Variants in COL12A1 observed in about 807,000 individuals in gnomAD.
The protein encoded by COL12A1 is collagen alpha-1(XII) chain.
In COL12A1, 114 loss-of-function variants were observed where a neutral mutation model predicts 349.7. The observed-to-expected ratio is 0.33, with a 90% confidence interval of 0.28 to 0.38. The LOEUF is 0.38. Among genes scored for constraint, COL12A1 ranks in the 10% least tolerant of loss-of-function variants. The pLI, the probability that COL12A1 is intolerant of heterozygous loss-of-function variation, is 1.00. For synonymous variants in COL12A1, 1,369 were observed against 1,329.0 expected (o/e 1.03, Z -0.66); for missense variants, 3,284 against 3,756.9 (o/e 0.87, Z 3.29).
chr6:75,087,544 T>A (rs769439797), intron 65 of COL12A1, 33 bp downstream of exon 65: 1 of 1,607,986 alleles, frequency 6.2e-7, no homozygotes, highest in Non-Finnish European at 8.5e-7. Context: ...TTACTTCAGG[T>A]GAGTTGGGGT....
Position 75,123,313 on chromosome 6 carries a change from T to C in COL12A1, c.6946+17A>G, listed in dbSNP as rs1256849878. The stretch of plus-strand genomic sequence containing the variant: ...CTCCCTATCAGCTGAACGTATTGCC[T>C]ATTTAGCTGTACTTACCATCCCGGG... On this transcript the variant is annotated intron_variant, in intron 43 of 65. Transcript: ENST00000322507. 6 of 1,603,300 alleles carry C rather than the reference T, an allele frequency of 3.7e-6. No homozygotes were observed. Among genetic ancestry groups the C allele is most frequent in the Non-Finnish European group, 5.1e-6 (6 of 1,173,254 alleles).
In COL12A1 at chr6:75,155,741, G is replaced by A; in HGVS notation, c.3364C>T (p.His1122Tyr). 1.2e-6 allele frequency: 2 copies of A among 1,613,492 alleles called. No homozygotes were observed. Among genetic ancestry groups the A allele is most frequent in the Non-Finnish European group, 1.7e-6 (2 of 1,179,632 alleles). Reference protein sequence around the residue: ...GEVKGYKVTFHPTGDDRRLGE... With the variant: ...GEVKGYKVTFYPTGDDRRLGE... ...AGTCTTCTGTCATCCCCCGTAGGGT[G>A]GAATGTGACTTTATAACCCTTCACT... Residue 1122 changes from histidine to tyrosine, a missense_variant, in exon 16 of 66, where the codon CAC (histidine) becomes TAC (tyrosine). Around this residue, in one of 2 missense-constraint regions of COL12A1, gnomAD observed 2,601 missense variants for 2,824.8 expected, o/e 0.92. Transcript: ENST00000322507.
chr6:75,180,656 A>G (rs1218161373), intron 11 of COL12A1, among the ~76,000 whole-genome samples: 1 of 152,080 alleles, frequency 6.6e-6, no homozygotes, highest in Non-Finnish European at 1.5e-5. Flanking sequence ...TTTGGGACCA[A>G]AAAAGATGGA....
chr6:75,116,136 C>T (rs909165815), intron 47 of COL12A1, 79 bp from the exon 48 acceptor site: 100 of 1,329,984 alleles, frequency 7.5e-5, no homozygotes, highest in East Asian at 2.6e-4. Flanking sequence ...TAGCAATGAA[C>T]GTATTTCAAG....
At position 75,142,148 on chromosome 6, in the gene COL12A1, C is replaced by T; in HGVS notation, c.4841G>A (p.Arg1614Lys). 1 of 1,614,154 alleles carries T rather than the reference C, an allele frequency of 6.2e-7. No homozygotes were observed. Among genetic ancestry groups the T allele is most frequent in the Non-Finnish European group, 8.5e-7 (1 of 1,179,978 alleles). ...EEDVKEVEVD[R>K]SETSTSLKDL... is the part of the protein sequence containing the mutation. ...TTTGAGGGAAGTGCTGGTCTCTGATCTGTCCACCTCTACCTATAACAGTAA... is the reference window on the plus strand; with the variant it reads ...TTTGAGGGAAGTGCTGGTCTCTGATTTGTCCACCTCTACCTATAACAGTAA... The change falls in exon 27 of 66, where the codon AGA becomes AAA. Residue 1614 changes from arginine (R) to lysine (K), a missense_variant. Around this residue, in one of 2 missense-constraint regions of COL12A1, gnomAD observed 2,601 missense variants for 2,824.8 expected, o/e 0.92. Transcript: ENST00000322507.
intron 55 of COL12A1, among the ~76,000 whole-genome samples, 170 bp from the exon 56 acceptor site, chr6:75,102,862 A>G (rs1042444803): frequency 9.9e-5 from 15 of 152,208 alleles, no homozygotes; most frequent in African/African-American, 3.6e-4. Flanking sequence ...TCTTCCCTTT[A>G]CTATTGAAAA....
chr6:75,103,306 T>G (rs1768389585), intron 55 of COL12A1, among the ~76,000 whole-genome samples: 1 of 152,210 alleles, frequency 6.6e-6, no homozygotes, highest in Non-Finnish European at 1.5e-5. Context: ...TTGAGTTGTC[T>G]TACAGAAAAC....
intron 24 of COL12A1, among the ~76,000 whole-genome samples, chr6:75,145,821 G>A (rs868528954): frequency 2.0e-5 from 3 of 151,828 alleles, no homozygotes; most frequent in East Asian, 1.9e-4. Context: ...TAGTAGAAAC[G>A]GTGTTTCACC....
At chr6:75,096,895 CAAAAAAAAA>C (rs35243223) in intron 59 of COL12A1, among the ~76,000 whole-genome samples, 2 of 73,260 alleles carry the variant, frequency 2.7e-5, no homozygotes, top group South Asian at 5.4e-4. Context: ...GACTCCGTCT[CAAAAAAAAA>C]AAAAAAAAAA....
At chr6:75,154,764 C>T (rs1264231193) in intron 16 of COL12A1, among the ~76,000 whole-genome samples, 1 of 152,160 alleles carries the variant, frequency 6.6e-6, no homozygotes, top group African/African-American at 2.4e-5. Context: ...CCAGAGAACA[C>T]TAGGAATTCA....
chr6:75,156,008 C>G (rs1433679428), intron 15 of COL12A1, among the ~76,000 whole-genome samples, 154 bp from the exon 16 acceptor site: 1 of 152,130 alleles, frequency 6.6e-6, no homozygotes, highest in African/African-American at 2.4e-5. Context: ...TAACAGAGTG[C>G]TAGCTAAGTA....
chr6:75,156,718 C>T (rs962515760), intron 14 of COL12A1, among the ~76,000 whole-genome samples, 195 bp from the exon 15 acceptor site: 2 of 152,120 alleles, frequency 1.3e-5, no homozygotes, highest in Admixed American at 6.6e-5. Flanking sequence ...AAGATGTTTT[C>T]GTTTTATCTA....
intron 2 of COL12A1, among the ~76,000 whole-genome samples, 190 bp from the exon 3 acceptor site, chr6:75,195,137 T>C (rs1044482688): frequency 1.3e-5 from 2 of 152,160 alleles, no homozygotes; most frequent in Non-Finnish European, 2.9e-5. Context: ...AGAGTGTACA[T>C]ATTACAGAAG....
intron 22 of COL12A1, 148 bp from the exon 23 acceptor site, chr6:75,147,952 C>T: frequency 2.3e-6 from 2 of 878,640 alleles, no homozygotes; most frequent in Non-Finnish European, 3.3e-6. Flanking sequence ...TATCAGATTA[C>T]AATGAGATCT....
intron 2 of COL12A1, 25 bp downstream of exon 2, chr6:75,202,695 G>T: frequency 6.5e-7 from 1 of 1,547,820 alleles, no homozygotes; most frequent in South Asian, 1.2e-5. Context: ...ATTGTCACTC[G>T]GTGAAGGGGA....
chr6:75,181,950 G>A (rs1769328255), intron 10 of COL12A1, among the ~76,000 whole-genome samples: 1 of 149,496 alleles, frequency 6.7e-6, no homozygotes, highest in South Asian at 2.1e-4. Context: ...AGAAAAATTA[G>A]CCAGGCGTGG....
intron 2 of COL12A1, among the ~76,000 whole-genome samples, chr6:75,201,511 C>T (rs1185563076): frequency 1.3e-5 from 2 of 151,914 alleles, no homozygotes; most frequent in African/African-American, 4.8e-5. Flanking sequence ...ATCATGCAAA[C>T]AACCATACTT....
chr6:75,110,467 A>G (rs1768781255), intron 51 of COL12A1, among the ~76,000 whole-genome samples: 1 of 151,984 alleles, frequency 6.6e-6, no homozygotes, highest in Non-Finnish European at 1.5e-5. Context: ...TGGGCCCTTC[A>G]TCTGTAGATC....
At chr6:75,179,744 C>T (rs763967219) in intron 11 of COL12A1, among the ~76,000 whole-genome samples, 45 of 152,302 alleles carry the variant, frequency 3.0e-4, no homozygotes, top group Admixed American at 5.2e-4. Flanking sequence ...GAACAATTGA[C>T]ATCTATTGTG....
Sources: gnomAD v4.1 joint callset for allele counts (sites outside exome capture counted in the v4.1 genomes callset) on GRCh38, gnomAD v4.1.1 for gene constraint, gnomAD v4.1.1 regional missense constraint, MANE v1.5 for transcripts, NCBI Gene and HGNC (gene_info 2026-07-23, HGNC 2026-07-21) for gene names.